SIRPB1: variants seen among roughly 807,000 people sequenced by gnomAD.
SIRPB1 encodes the protein signal-regulatory protein beta-1.
A neutral mutation model predicts 34.1 loss-of-function variants in SIRPB1; 28 were observed. The observed-to-expected ratio is 0.82, with a 90% CI of 0.61 to 1.12. SIRPB1 has a LOEUF of 1.12. Ranked by LOEUF, SIRPB1 falls within the 50% of genes most tolerant of loss-of-function variation. The pLI, the probability that SIRPB1 is intolerant of heterozygous loss-of-function variation, is 0.00. For missense variants in SIRPB1, 499 were observed against 507.0 expected, an observed-to-expected ratio of 0.98 and a Z score of 0.15; for synonymous variants, 211 against 203.8, an observed-to-expected ratio of 1.04 and a Z score of -0.30.
chr20:1,585,001 G>A (rs2091416724), intron 1 of SIRPB1, among the ~76,000 whole-genome samples: 1 of 48,722 alleles, frequency 2.1e-5, no homozygotes, highest in South Asian at 7.4e-4. Flanking sequence ...AGACACAATG[G>A]GGAAATGTCA....
chr20:1,565,107 A>C lies in SIRPB1; in HGVS notation c.*393T>G. Reference sequence around the variant, plus strand: ...ATGTGTATTCAGGAGGCAGTAGAGAACCTCAACAAGGCTGGGGGAGTTGGG... The same window carrying C: ...ATGTGTATTCAGGAGGCAGTAGAGACCCTCAACAAGGCTGGGGGAGTTGGG... On this transcript the variant is annotated 3_prime_UTR_variant, in exon 6 of 6. Transcript: ENST00000381605. The C allele has an allele frequency of 5.0e-6, 2 of 398,596 alleles. No homozygotes were observed. Among genetic ancestry groups the C allele is most frequent in the East Asian group, 7.1e-5 (2 of 28,050 alleles). The allele number at this position is 398,596 out of a possible 1,614,324, so 24.7% of individuals were successfully genotyped here.
At chr20:1,568,809 A>G (rs1186899325) in intron 4 of SIRPB1, among the ~76,000 whole-genome samples, 1 of 151,874 alleles carries the variant, frequency 6.6e-6, no homozygotes, top group Non-Finnish European at 1.5e-5. Context: ...AGGAGATAGG[A>G]ATTAATTTAA....
In SIRPB1 at chr20:1,589,575, G is replaced by A. The variant is rs1399272104; in HGVS notation, c.77-10881C>T. 8.2e-4 allele frequency among the ~76,000 whole-genome samples: 40 copies of A among 48,878 alleles called. 19 individuals carry two copies. The highest frequency in any genetic ancestry group is 3.2e-4 in the Non-Finnish European group (8 of 25,370). The allele number at this position is 48,878 out of a possible 152,430, so 32.1% of individuals were successfully genotyped here. A position where few individuals can be genotyped will look rare whatever the true frequency, so the allele number is the denominator to read the frequency against. On this transcript the variant is annotated intron_variant, in intron 1 of 5. Transcript: ENST00000381605. Reference sequence around the variant, plus strand: ...TTGTTCTCTAAACTGGGGGTTATAAGTATTTCATTGCAGTGTTTTAGTGGA... The same window carrying A: ...TTGTTCTCTAAACTGGGGGTTATAAATATTTCATTGCAGTGTTTTAGTGGA...
rs567151560 is a variant in SIRPB1, at chr20:1,577,270, G to A, written c.433+1068C>T. Reference sequence around the variant, plus strand: ...CACCAGGCTCTTCTATGGAGACAGCGTCTAATGCTGGGGAAGGAAGGAGAC... The same window carrying A: ...CACCAGGCTCTTCTATGGAGACAGCATCTAATGCTGGGGAAGGAAGGAGAC... On this transcript the variant is annotated intron_variant, in intron 2 of 5. Coordinates refer to ENST00000381605, the MANE Select transcript of SIRPB1 (RefSeq NM_006065.5). Among the ~76,000 whole-genome samples the A allele has an allele frequency of 9.3e-4, 137 of 148,032 alleles. 4 individuals are homozygous for A. Among genetic ancestry groups the A allele is most frequent in the Admixed American group, 6.5e-3 (97 of 14,928 alleles).
At position 1,590,737 on chromosome 20, in the gene SIRPB1, G is replaced by T. The variant is rs1293712303; in HGVS notation, c.77-12043C>A. Among the ~76,000 whole-genome samples the T allele has an allele frequency of 4.0e-5, 2 of 49,448 alleles. 1 individual carries two copies. The highest frequency in any genetic ancestry group is 2.7e-4 in the African/African-American group (2 of 7,482). 32.4% of individuals were successfully genotyped at this position (49,448 alleles called of 152,430 possible). A position where few individuals can be genotyped will look rare whatever the true frequency, so the allele number is the denominator to read the frequency against. ...CCATAGCCTCAGTTAGGAACAGCCCGCACAGTGAGGCTGTGGCAGGTGCCA... is the reference window on the plus strand; with the variant it reads ...CCATAGCCTCAGTTAGGAACAGCCCTCACAGTGAGGCTGTGGCAGGTGCCA... On this transcript the variant is annotated intron_variant, in intron 1 of 5. Coordinates refer to ENST00000381605, the MANE Select transcript of SIRPB1 (RefSeq NM_006065.5).
In SIRPB1 at chr20:1,583,215, T is replaced by C. The variant is rs1349202054; in HGVS notation, c.77-4521A>G. 4.1e-5 allele frequency among the ~76,000 whole-genome samples: 2 copies of C among 48,920 alleles called. 1 individual carries two copies. The highest frequency in any genetic ancestry group is 7.9e-5 in the Non-Finnish European group (2 of 25,378). The allele number at this position is 48,920 out of a possible 152,430, so 32.1% of individuals were successfully genotyped here. A position where few individuals can be genotyped will look rare whatever the true frequency, so the allele number is the denominator to read the frequency against. ...TCTGCGGAAATTTCATGGAATAAGA[T>C]CAAGGGCAAAAGTGTTTGAGAAGAG... is the stretch of plus-strand genomic sequence containing the variant. On this transcript the variant is annotated intron_variant, in intron 1 of 5. Transcript: ENST00000381605.
intron 1 of SIRPB1, among the ~76,000 whole-genome samples, chr20:1,586,663 G>A (rs1398118994): frequency 2.0e-5 from 1 of 48,804 alleles, no homozygotes; most frequent in Non-Finnish European, 3.9e-5. Flanking sequence ...CTGTGCATGC[G>A]AGGGATCTAG....
At chr20:1,580,410 C>T (rs2091386002) in intron 1 of SIRPB1, among the ~76,000 whole-genome samples, 1 of 140,980 alleles carries the variant, frequency 7.1e-6, no homozygotes, top group African/African-American at 2.6e-5. Flanking sequence ...CTTAAAAATG[C>T]TGAGAGGTAA....
In SIRPB1 at chr20:1,571,050, C is replaced by T. The variant is rs1336637312; in HGVS notation, c.839G>A (p.Arg280Gln). Residue 280 changes from arginine (R) to glutamine (Q), a missense_variant, in exon 4 of 6, where the codon CGG (arginine) becomes CAG (glutamine). By Grantham distance (43) the Arg-to-Gln change is conservative. Coordinates refer to ENST00000381605, the MANE Select transcript of SIRPB1 (RefSeq NM_006065.5). ...CTCCAACCAGGTCAGCTGTAGTCCC[C>T]GGGGGTAGAAATTGCTCACCTGGCA... Reference protein sequence around the residue: ...VTCQVSNFYPRGLQLTWLENG... With the variant: ...VTCQVSNFYPQGLQLTWLENG... The T allele has an allele frequency of 9.3e-6, 15 of 1,613,994 alleles. No individual in the cohort carries two copies. The highest frequency in any genetic ancestry group is 8.3e-5 in the Admixed American group (5 of 59,998).
chr20:1,587,580 G>A lies in SIRPB1; in HGVS notation c.77-8886C>T, dbSNP rs1351742169. Among the ~76,000 whole-genome samples the A allele has an allele frequency of 2.2e-4, 11 of 49,540 alleles. 5 individuals are homozygous for A. The highest frequency in any genetic ancestry group is 3.5e-4 in the Non-Finnish European group (9 of 25,500). The allele number at this position is 49,540 out of a possible 152,430, so 32.5% of individuals were successfully genotyped here. A position where few individuals can be genotyped will look rare whatever the true frequency, so the allele number is the denominator to read the frequency against. On this transcript the variant is annotated intron_variant, in intron 1 of 5. Coordinates refer to ENST00000381605, the MANE Select transcript of SIRPB1 (RefSeq NM_006065.5). The stretch of plus-strand genomic sequence containing the variant: ...CAAGGGAGATTATGGTACCTGTTAT[G>A]GGCTGAATGTGTCCCCTAAAAGGCA...
rs1252869414 is a variant in SIRPB1, at chr20:1,577,835, G to T, written c.433+503C>A. ...GGACGGATTTCTCCTCATTAGAAGGGAAGAGAATGTAAGCTTGGTGGGGGA... is the reference window on the plus strand; with the variant it reads ...GGACGGATTTCTCCTCATTAGAAGGTAAGAGAATGTAAGCTTGGTGGGGGA... On this transcript the variant is annotated intron_variant, in intron 2 of 5. Transcript: ENST00000381605. 4.1e-5 allele frequency among the ~76,000 whole-genome samples: 6 copies of T among 147,290 alleles called. 3 individuals are homozygous for T. The highest frequency in any genetic ancestry group is 6.1e-5 in the Non-Finnish European group (4 of 65,864).
At position 1,561,962 on chromosome 20, in the gene SIRPB1, C is replaced by T. The variant is rs575725779; in HGVS notation, c.*3538G>A. Reference sequence around the variant, plus strand: ...CTTCTGCACTGGAGATTCTTCTCTTCTTTCCCATTAATTTATTCAATCATT... The same window carrying T: ...CTTCTGCACTGGAGATTCTTCTCTTTTTTCCCATTAATTTATTCAATCATT... On this transcript the variant is annotated 3_prime_UTR_variant, in exon 6 of 6. Coordinates refer to ENST00000381605, the MANE Select transcript of SIRPB1 (RefSeq NM_006065.5). Among the ~76,000 whole-genome samples, 1 of 152,190 alleles carries T rather than the reference C, an allele frequency of 6.6e-6. No individual in the cohort carries two copies. Among genetic ancestry groups the T allele is most frequent in the Non-Finnish European group, 1.5e-5 (1 of 68,038 alleles).
rs1449429640 is a variant in SIRPB1 at position 1,561,739 on chromosome 20, T to C, written c.*3761A>G. Among the ~76,000 whole-genome samples, 1 of 152,234 alleles carries C rather than the reference T, an allele frequency of 6.6e-6. No homozygotes were observed. The highest frequency in any genetic ancestry group is 1.5e-5 in the Non-Finnish European group (1 of 68,038). On this transcript the variant is annotated 3_prime_UTR_variant, in exon 6 of 6. Coordinates refer to ENST00000381605, the MANE Select transcript of SIRPB1 (RefSeq NM_006065.5). Reference sequence around the variant, plus strand: ...CATGATTTATGATTCTTGATGTTGATTTATAACTGTTGATGAACTCTTGAT... The same window carrying C: ...CATGATTTATGATTCTTGATGTTGACTTATAACTGTTGATGAACTCTTGAT...
rs2091584856 is a variant in SIRPB1, at chr20:1,613,237, C to T, written c.76+6632G>A. ...TGTCTTCTGGAGGCTCTGTTTTTTG[C>T]CTTTTCAAATTCTAGAGTTTTCTCA... On this transcript the variant is annotated intron_variant, in intron 1 of 5. Transcript: ENST00000381605. 2.7e-5 allele frequency among the ~76,000 whole-genome samples: 2 copies of T among 73,536 alleles called. 1 individual carries two copies. The highest frequency in any genetic ancestry group is 2.2e-4 in the Admixed American group (2 of 9,048). 48.2% of individuals were successfully genotyped at this position (73,536 alleles called of 152,430 possible). A position where few individuals can be genotyped will look rare whatever the true frequency, so the allele number is the denominator to read the frequency against.
chr20:1,570,976 T>C lies in SIRPB1; in HGVS notation c.913A>G (p.Lys305Glu). 2 of 1,614,150 alleles carry C rather than the reference T, an allele frequency of 1.2e-6. No individual in the cohort carries two copies. The highest frequency in any genetic ancestry group is 1.7e-6 in the Non-Finnish European group (2 of 1,180,018). The change falls in exon 4 of 6, where the codon AAG becomes GAG. Residue 305 changes from lysine to glutamate, a missense_variant. Transcript: ENST00000381605. ...TETASTLIENKDGTYNWMSWL... is the reference protein window; with the variant it reads ...TETASTLIENEDGTYNWMSWL... ...CTCATCCAGTTGTAGGTGCCATCCT[T>C]GTTCTCTATGAGGGTCGAAGCTGTT... is the stretch of plus-strand genomic sequence containing the variant.
intron 2 of SIRPB1, among the ~76,000 whole-genome samples, chr20:1,572,725 T>A (rs111657100): frequency 0.098 from 14,617 of 148,752 alleles, 911 homozygotes; most frequent in Middle Eastern, 0.14. Flanking sequence ...CGTATTTTTC[T>A]TTTCACAAAT....
At chr20:1,605,558 GA>G (rs1360413080) in intron 1 of SIRPB1, among the ~76,000 whole-genome samples, 1 of 48,608 alleles carries the variant, frequency 2.1e-5, no homozygotes, top group Non-Finnish European at 3.9e-5. Context: ...CGCAAAACAG[GA>G]GGACGGAGGA....
intron 1 of SIRPB1, among the ~76,000 whole-genome samples, chr20:1,613,741 C>A (rs117254572): frequency 6.6e-6 from 1 of 151,852 alleles, no homozygotes; most frequent in Non-Finnish European, 1.5e-5. Flanking sequence ...AATTGTGAGA[C>A]GTTATCAAAT....
At position 1,563,251 on chromosome 20, in the gene SIRPB1, T is replaced by C. The variant is rs1397200766; in HGVS notation, c.*2249A>G. 6.6e-6 allele frequency among the ~76,000 whole-genome samples: 1 copy of C among 152,134 alleles called. No individual in the cohort carries two copies. The highest frequency in any genetic ancestry group is 1.5e-5 in the Non-Finnish European group (1 of 68,018). ...GCTCATGCCTGTAATCCCAGCACTTTGGGAGGCCAAGACAGGTGGATCACC... is the reference window on the plus strand; with the variant it reads ...GCTCATGCCTGTAATCCCAGCACTTCGGGAGGCCAAGACAGGTGGATCACC... On this transcript the variant is annotated 3_prime_UTR_variant, in exon 6 of 6. Coordinates refer to ENST00000381605, the MANE Select transcript of SIRPB1 (RefSeq NM_006065.5).
Sources: allele counts gnomAD v4.1 joint callset (sites outside exome capture counted in the v4.1 genomes callset), GRCh38; gene constraint gnomAD v4.1.1; transcripts MANE v1.5; gene names NCBI Gene and HGNC (gene_info 2026-07-23, HGNC 2026-07-21).